The following RP1 variants were observed in gnomAD, a reference collection of about 807,000 sequenced individuals.
RP1 encodes RP1 axonemal microtubule associated, also known as oxygen-regulated protein 1.
Under a neutral mutation model 14.8 loss-of-function variants are expected in RP1, and 16 were observed. That is an observed-to-expected ratio of 1.08 (90% CI 0.73 to 1.65). The LOEUF (loss-of-function observed/expected upper bound fraction) is 1.65, where lower values mean the gene tolerates loss of function less well. Ranked by LOEUF, RP1 falls within the 40% of genes most tolerant of loss-of-function variation. The pLI is 0.00. For missense variants in RP1, 2,631 were observed against 2,535.0 expected (o/e 1.04, Z -0.81); for synonymous variants, 876 against 883.6 (o/e 0.99, Z 0.15).
intron 25 of RP1, among the ~76,000 whole-genome samples, chr8:54,846,210 T>A (rs1179067014): frequency 6.6e-6 from 1 of 152,218 alleles, no homozygotes; most frequent in Non-Finnish European, 1.5e-5. Context: ...AAACAATTAA[T>A]TGGCTTCAAT....
chr8:54,654,273 G>C (rs893111749), intron 5 of RP1, among the ~76,000 whole-genome samples: 1 of 152,040 alleles, frequency 6.6e-6, no homozygotes, highest in African/African-American at 2.4e-5. Context: ...AACTTGTATG[G>C]GGATTTGAAC....
At chr8:54,613,512 G>A (rs1472458807), upstream of RP1, among the ~76,000 whole-genome samples, 1 of 152,204 alleles carries the variant, frequency 6.6e-6, no homozygotes, top group Non-Finnish European at 1.5e-5. Context: ...TGGAAATTCA[G>A]AGATGATAAA....
chr8:54,866,242 C>T (rs1255703785), intron 28 of RP1, among the ~76,000 whole-genome samples: 2 of 152,182 alleles, frequency 1.3e-5, no homozygotes, highest in Admixed American at 6.5e-5. Context: ...TTGGGTACCA[C>T]TCTTAACTTC....
chr8:54,760,279 TTCATCAAGACTAGC>T (rs1554530504), intron 22 of RP1, among the ~76,000 whole-genome samples: 4 of 152,194 alleles, frequency 2.6e-5, no homozygotes, highest in Non-Finnish European at 5.9e-5. Flanking sequence ...GATGCCCTTG[TTCATCAAGACTAGC>T]TCATCGCAGT....
At chr8:54,786,072 C>T (rs549104083) in intron 24 of RP1, among the ~76,000 whole-genome samples, 32 of 152,096 alleles carry the variant, frequency 2.1e-4, no homozygotes, top group African/African-American at 6.7e-4. Context: ...TTTTTTCTCC[C>T]GTTTTTTGAG....
chr8:54,860,273 T>A (rs1189324315), intron 27 of RP1, among the ~76,000 whole-genome samples: 1 of 152,138 alleles, frequency 6.6e-6, no homozygotes, highest in Non-Finnish European at 1.5e-5. Flanking sequence ...ATTTTTTTTT[T>A]AAGGAAATAC....
rs200853416 is a variant in RP1, at chr8:54,629,619, C to G, written c.5737C>G (p.Leu1913Val). Residue 1913 changes from leucine to valine, a missense_variant, in exon 4 of 4, where the codon CTT (leucine) becomes GTT (valine). By Grantham distance (32) the Leu-to-Val change is conservative (BLOSUM62 1). Coordinates refer to ENST00000220676, the MANE Select transcript of RP1 (RefSeq NM_006269.2). ...TGACTCTTTGGATAAACTGTATGCT[C>G]TTTGTGGTCAACATTGCCCAATACT... Reference protein sequence around the residue: ...EADSLDKLYALCGQHCPILTV... With the variant: ...EADSLDKLYAVCGQHCPILTV... The G allele has an allele frequency of 6.2e-7, 1 of 1,613,804 alleles. No homozygotes were observed. The highest frequency in any genetic ancestry group is 8.5e-7 in the Non-Finnish European group (1 of 1,180,000).
At chr8:54,659,735 A>AT (rs1445582183) in intron 6 of RP1, among the ~76,000 whole-genome samples, 1 of 152,044 alleles carries the variant, frequency 6.6e-6, no homozygotes, top group Non-Finnish European at 1.5e-5. Flanking sequence ...GAATTTTTGG[A>AT]TTTTTTCCTA....
chr8:54,867,818 C>A (rs1419801354), intron 28 of RP1, among the ~76,000 whole-genome samples: 1 of 152,142 alleles, frequency 6.6e-6, no homozygotes, highest in Non-Finnish European at 1.5e-5. Context: ...CCACTAGTCA[C>A]ATATGGCTAA....
At chr8:54,851,051 G>A (rs547318670) in intron 25 of RP1, among the ~76,000 whole-genome samples, 4 of 148,632 alleles carry the variant, frequency 2.7e-5, no homozygotes, top group Admixed American at 1.3e-4. Context: ...GTACACGTAC[G>A]TGTGTGTGTG....
chr8:54,714,893 G>A (rs1808365361), intron 15 of RP1, among the ~76,000 whole-genome samples: 1 of 152,222 alleles, frequency 6.6e-6, no homozygotes, highest in African/African-American at 2.4e-5. Flanking sequence ...CAGCAACAAA[G>A]ATTTCCCCTA....
At chr8:54,830,638 G>A (rs1219396153) in intron 24 of RP1, among the ~76,000 whole-genome samples, 6 of 151,950 alleles carry the variant, frequency 3.9e-5, no homozygotes, top group African/African-American at 1.5e-4. Context: ...TTTAAATCCA[G>A]TCTGATAATC....
At chr8:54,724,714 A>G (rs1808613309) in intron 16 of RP1, among the ~76,000 whole-genome samples, 2 of 152,168 alleles carry the variant, frequency 1.3e-5, no homozygotes, top group East Asian at 3.9e-4. Flanking sequence ...TAAAGACAAA[A>G]TGGGAAGCCT....
intron 22 of RP1, chr8:54,759,136 G>C: frequency 1.5e-6 from 1 of 647,468 alleles, no homozygotes. Flanking sequence ...GATGCTGTGT[G>C]TGTGTGTGTG....
At chr8:54,864,779 A>G (rs890120687) in intron 27 of RP1, among the ~76,000 whole-genome samples, 4 of 152,310 alleles carry the variant, frequency 2.6e-5, no homozygotes, top group African/African-American at 7.2e-5. Flanking sequence ...AAATGTTGAT[A>G]AGTGGTAGGG....
chr8:54,660,558 A>C (rs909030991), intron 6 of RP1, among the ~76,000 whole-genome samples: 7 of 151,994 alleles, frequency 4.6e-5, no homozygotes, highest in African/African-American at 1.4e-4. Context: ...TGGGGGTAGG[A>C]GGGGGAGCTT....
intron 1 of RP1, among the ~76,000 whole-genome samples, chr8:54,609,133 T>G (rs1805530020): frequency 6.6e-6 from 1 of 152,086 alleles, no homozygotes; most frequent in Non-Finnish European, 1.5e-5. Context: ...TCATAGCAGA[T>G]CAATGCTGGG....
intron 19 of RP1, among the ~76,000 whole-genome samples, chr8:54,750,453 G>C (rs1221627728): frequency 2.0e-5 from 3 of 152,196 alleles, no homozygotes; most frequent in Non-Finnish European, 1.5e-5. Context: ...GGAAAATTTA[G>C]ATGTTCTGAA....
At chr8:54,664,394 T>C (rs998100963) in intron 7 of RP1, among the ~76,000 whole-genome samples, 2 of 152,148 alleles carry the variant, frequency 1.3e-5, no homozygotes, top group South Asian at 2.1e-4. Flanking sequence ...TCTTTTCAAA[T>C]TGTTTTTGAG....
Sources: gnomAD v4.1 joint callset for allele counts (sites outside exome capture counted in the v4.1 genomes callset) on GRCh38, gnomAD v4.1.1 for gene constraint, MANE v1.5 for transcripts, NCBI Gene and HGNC (gene_info 2026-07-23, HGNC 2026-07-21) for gene names.